Variants in PIK3C2G observed in about 807,000 individuals in gnomAD.
PIK3C2G encodes phosphatidylinositol 3-kinase C2 domain-containing subunit gamma.
In PIK3C2G, 168 loss-of-function variants were observed where a neutral mutation model predicts 181.1. The observed-to-expected ratio is 0.93, with a 90% CI of 0.82 to 1.05. PIK3C2G has a LOEUF of 1.05. Ranked by LOEUF, PIK3C2G falls within the 50% of genes least tolerant of loss-of-function variation. The pLI, the probability that PIK3C2G is intolerant of heterozygous loss-of-function variation, is 0.00. For missense variants in PIK3C2G, 1,869 were observed against 1,732.8 expected, an observed-to-expected ratio of 1.08 and a Z score of -1.40; for synonymous variants, 573 against 592.2, an observed-to-expected ratio of 0.97 and a Z score of 0.47.
chr12:18,330,994 T>C (rs2137538497), intron 8 of PIK3C2G, among the ~76,000 whole-genome samples: 1 of 152,356 alleles, frequency 6.6e-6, no homozygotes, highest in East Asian at 1.9e-4. Context: ...TTGCATACTA[T>C]ATTTTTCAAT....
At chr12:18,258,990 T>C (rs1246534347), upstream of PIK3C2G, among the ~76,000 whole-genome samples, 1 of 152,130 alleles carries the variant, frequency 6.6e-6, no homozygotes, top group Non-Finnish European at 1.5e-5. Context: ...CAAAACATTT[T>C]CCTTTCTCTG....
At chr12:18,524,038 T>C (rs1943077581) in intron 24 of PIK3C2G, among the ~76,000 whole-genome samples, 1 of 152,202 alleles carries the variant, frequency 6.6e-6, no homozygotes, top group Admixed American at 6.5e-5. Flanking sequence ...ACCCCCACAA[T>C]CTGTGTGCTG....
chr12:18,504,692 A>C (rs562957232), intron 23 of PIK3C2G, among the ~76,000 whole-genome samples: 1 of 152,358 alleles, frequency 6.6e-6, no homozygotes, highest in African/African-American at 2.4e-5. Flanking sequence ...TGCTCATTAG[A>C]GAAACATAAA....
chr12:18,376,146 G>A (rs979282633), intron 13 of PIK3C2G, among the ~76,000 whole-genome samples: 5 of 152,198 alleles, frequency 3.3e-5, no homozygotes, highest in African/African-American at 1.2e-4. Flanking sequence ...TGGGAAGTGG[G>A]CCACCACTCT....
At chr12:18,411,620 G>A (rs141368673) in intron 16 of PIK3C2G, among the ~76,000 whole-genome samples, 1 of 152,268 alleles carries the variant, frequency 6.6e-6, no homozygotes, top group Non-Finnish European at 1.5e-5. Context: ...TGTGTCATCA[G>A]ACTCAAAATC....
chr12:18,405,397 G>GTGGTGGTGTTGTTGT (rs113689341), intron 16 of PIK3C2G, among the ~76,000 whole-genome samples: 17 of 139,788 alleles, frequency 1.2e-4, no homozygotes, highest in South Asian at 4.6e-4. Context: ...AGCAACATTT[G>GTGGTGGTGTTGTTGT]TGTTGTTGTT....
intron 13 of PIK3C2G, among the ~76,000 whole-genome samples, chr12:18,379,773 G>A (rs1188164715): frequency 6.6e-6 from 1 of 152,134 alleles, no homozygotes; most frequent in East Asian, 1.9e-4. Flanking sequence ...GCTCTCACAG[G>A]CACCATAGAC....
chr12:18,394,310 G>C (rs1943726283), intron 15 of PIK3C2G, among the ~76,000 whole-genome samples: 1 of 152,008 alleles, frequency 6.6e-6, no homozygotes, highest in Admixed American at 6.6e-5. Flanking sequence ...AAAAAAATGA[G>C]ATCTGACCCC....
At chr12:18,558,306 A>G (rs1348894023) in intron 26 of PIK3C2G, among the ~76,000 whole-genome samples, 2 of 152,338 alleles carry the variant, frequency 1.3e-5, no homozygotes, top group African/African-American at 4.8e-5. Flanking sequence ...CCCTATTTGG[A>G]GAAACCATAT....
intron 8 of PIK3C2G, among the ~76,000 whole-genome samples, chr12:18,334,928 A>G (rs4764393): frequency 0.44 from 67,104 of 151,890 alleles, 15,134 homozygotes; most frequent in East Asian, 0.59. Context: ...GTGTTTATAC[A>G]ATTGTGCATT....
At chr12:18,373,840 G>A (rs4764394) in intron 13 of PIK3C2G, among the ~76,000 whole-genome samples, 21,852 of 151,328 alleles carry the variant, frequency 0.14, 2,032 homozygotes, top group Admixed American at 0.27. Flanking sequence ...GCGACAGAGC[G>A]AGACTCCGTC....
intron 26 of PIK3C2G, among the ~76,000 whole-genome samples, chr12:18,558,195 A>G (rs1304198741): frequency 2.0e-5 from 3 of 152,204 alleles, no homozygotes. Flanking sequence ...GGCCAGAAAC[A>G]GTCTTGTGTA....
intron 18 of PIK3C2G, among the ~76,000 whole-genome samples, chr12:18,461,097 G>A (rs939699122): frequency 3.3e-5 from 5 of 151,820 alleles, no homozygotes; most frequent in East Asian, 1.9e-4. Context: ...TATAATCTGC[G>A]TGGTATTTTA....
intron 16 of PIK3C2G, among the ~76,000 whole-genome samples, 164 bp from the exon 17 acceptor site, chr12:18,420,777 G>GA (rs907078010): frequency 2.0e-5 from 3 of 152,050 alleles, no homozygotes; most frequent in Admixed American, 2.0e-4. Flanking sequence ...TATAGAATAT[G>GA]AAAAAATAAG....
intron 29 of PIK3C2G, among the ~76,000 whole-genome samples, chr12:18,579,549 G>GTCTC (rs144472483): frequency 2.0e-5 from 3 of 150,370 alleles, no homozygotes; most frequent in Non-Finnish European, 4.4e-5. Context: ...TCCTCTGTCT[G>GTCTC]TCTCTCTCTC....
intron 8 of PIK3C2G, among the ~76,000 whole-genome samples, chr12:18,334,672 T>C (rs1938349156): frequency 6.6e-6 from 1 of 152,134 alleles, no homozygotes; most frequent in Non-Finnish European, 1.5e-5. Context: ...ATTCAAATTT[T>C]AGTCTATGTA....
intron 24 of PIK3C2G, among the ~76,000 whole-genome samples, chr12:18,509,685 C>G (rs554214759): frequency 1.1e-3 from 175 of 152,296 alleles, no homozygotes; most frequent in Middle Eastern, 3.4e-3. Flanking sequence ...CAGACCAACT[C>G]TGAGGCTCCC....
chr12:18,491,401 G>A (rs914171331), intron 19 of PIK3C2G, 50 bp from the exon 20 acceptor site: 1 of 967,938 alleles, frequency 1.0e-6, no homozygotes, highest in Non-Finnish European at 1.6e-6. Flanking sequence ...TGAAGGAAAA[G>A]TCAAGTTCTT....
chr12:18,403,078 C>CTATTTACA (rs1385819039), intron 16 of PIK3C2G, among the ~76,000 whole-genome samples: 1 of 152,070 alleles, frequency 6.6e-6, no homozygotes, highest in Admixed American at 6.5e-5. Context: ...ACATGCTAGG[C>CTATTTACA]TATTTACATA....
Sources: gnomAD v4.1 joint callset for allele counts (sites outside exome capture counted in the v4.1 genomes callset) on GRCh38, gnomAD v4.1.1 for gene constraint, MANE v1.5 for transcripts, NCBI Gene and HGNC (gene_info 2026-07-23, HGNC 2026-07-21) for gene names.